The following ATP6V1D variants were observed in gnomAD, a reference collection of about 807,000 sequenced individuals.
ATP6V1D encodes ATPase H+ transporting V1 subunit D.
In ATP6V1D, 20 loss-of-function variants were observed where a neutral mutation model predicts 39.4. That is an observed-to-expected ratio of 0.51 (90% CI 0.36 to 0.74). The LOEUF is 0.74. ATP6V1D is among the 30% of genes least tolerant of loss of function. The pLI, the probability that ATP6V1D is intolerant of heterozygous loss-of-function variation, is 0.00. For synonymous variants in ATP6V1D, 100 were observed against 100.5 expected, an observed-to-expected ratio of 0.99 and a Z score of 0.03; for missense variants, 228 against 291.6, an observed-to-expected ratio of 0.78 and a Z score of 1.59.
chr14:67,351,127 G>A (rs2085651560), intron 2 of ATP6V1D, among the ~76,000 whole-genome samples: 1 of 152,186 alleles, frequency 6.6e-6, no homozygotes, highest in Admixed American at 6.5e-5. Flanking sequence ...GCTGGGTAGG[G>A]AGTTGCCTTC....
At chr14:67,347,970 G>A (rs2085631853) in intron 4 of ATP6V1D, among the ~76,000 whole-genome samples, 1 of 151,050 alleles carries the variant, frequency 6.6e-6, no homozygotes, top group East Asian at 1.9e-4. Context: ...GCAGTGCAGT[G>A]GTGTGGTCTT....
intron 1 of ATP6V1D, among the ~76,000 whole-genome samples, chr14:67,354,125 G>A (rs1231024540): frequency 6.6e-6 from 1 of 152,070 alleles, no homozygotes; most frequent in Non-Finnish European, 1.5e-5. Flanking sequence ...CTCAAGTATT[G>A]TTATAGCAGC....
At chr14:67,358,108 G>A (rs1396216226) in intron 1 of ATP6V1D, among the ~76,000 whole-genome samples, 2 of 152,098 alleles carry the variant, frequency 1.3e-5, no homozygotes, top group African/African-American at 4.8e-5. Context: ...GGGGGCGGCG[G>A]GGGGCGGCCT....
intron 4 of ATP6V1D, 170 bp downstream of exon 4, chr14:67,348,867 C>A (rs2085639568): frequency 6.0e-6 from 4 of 671,218 alleles, no homozygotes; most frequent in Non-Finnish European, 5.0e-6. Context: ...GTCAAGTTAT[C>A]CTGAGTAATT....
chr14:67,353,227 T>C (rs773108901), intron 1 of ATP6V1D, among the ~76,000 whole-genome samples, 187 bp from the exon 2 acceptor site: 1 of 152,250 alleles, frequency 6.6e-6, no homozygotes. Flanking sequence ...CTTCATGTGT[T>C]GGAAACAATC....
At chr14:67,356,428 C>CA (rs1354353495) in intron 1 of ATP6V1D, among the ~76,000 whole-genome samples, 1 of 113,470 alleles carries the variant, frequency 8.8e-6, no homozygotes, top group Non-Finnish European at 1.6e-5. Context: ...CTCAAAAAAA[C>CA]AAAAACAAAA....
intron 1 of ATP6V1D, among the ~76,000 whole-genome samples, chr14:67,358,352 A>G (rs140579597): frequency 6.6e-6 from 1 of 152,320 alleles, no homozygotes; most frequent in African/African-American, 2.4e-5. Context: ...TTTCATTAAG[A>G]GCTATTTAGT....
At position 67,340,048 on chromosome 14, in the gene ATP6V1D, A is replaced by G. The variant is rs553269173; in HGVS notation, c.602+392T>C. The G allele has an allele frequency of 2.2e-3, 351 of 157,610 alleles. 1 individual carries two copies. The highest frequency in any genetic ancestry group is 3.3e-3 in the Middle Eastern group (1 of 300). The allele number at this position is 157,610 out of a possible 1,614,324, so 9.8% of individuals were successfully genotyped here. A position where few individuals can be genotyped will look rare whatever the true frequency, so the allele number is the denominator to read the frequency against. ...TCTGTCTCACAAAAAAAAAAAAAAA[A>G]AAAAGAATAATTCAGTCTTGGCTTG... On this transcript the variant is annotated intron_variant, in intron 8 of 8. Transcript: ENST00000216442.
intron 3 of ATP6V1D, among the ~76,000 whole-genome samples, chr14:67,349,758 A>C (rs779424214): frequency 3.9e-5 from 6 of 152,106 alleles, no homozygotes; most frequent in Non-Finnish European, 8.8e-5. Context: ...ACCCTAAAAC[A>C]CTCACATACC....
chr14:67,352,863 G>T (rs959536583), intron 2 of ATP6V1D, 60 bp downstream of exon 2: 5 of 1,081,654 alleles, frequency 4.6e-6, no homozygotes, highest in Non-Finnish European at 6.7e-6. Context: ...AAAAAAAAAT[G>T]CCAAGGGCCA....
At chr14:67,349,155 T>C (rs1447822741) in intron 3 of ATP6V1D, 51 bp from the exon 4 acceptor site, 3 of 1,537,164 alleles carry the variant, frequency 2.0e-6, no homozygotes, top group Non-Finnish European at 2.7e-6. Flanking sequence ...GAAATAAACC[T>C]ACAGGGACCC....
intron 1 of ATP6V1D, among the ~76,000 whole-genome samples, chr14:67,353,303 C>T (rs914131894): frequency 6.6e-6 from 1 of 152,128 alleles, no homozygotes; most frequent in Non-Finnish European, 1.5e-5. Context: ...GATCTGCCCT[C>T]CATGAATGGA....
At chr14:67,340,132 T>C (rs2085569026) in intron 8 of ATP6V1D, 2 of 268,466 alleles carry the variant, frequency 7.4e-6, no homozygotes, top group Admixed American at 8.9e-5. Context: ...AACTCCTTGT[T>C]CTACTCTTTC....
intron 4 of ATP6V1D, among the ~76,000 whole-genome samples, chr14:67,347,660 C>A (rs1331478236): frequency 6.6e-6 from 1 of 151,962 alleles, no homozygotes; most frequent in Non-Finnish European, 1.5e-5. Context: ...ACCACCACAC[C>A]CGGCTAATTT....
chr14:67,338,528 C>CA lies in ATP6V1D; in HGVS notation c.*92dup. The CA allele has an allele frequency of 7.4e-7, 1 of 1,350,436 alleles. No homozygotes were observed. The highest frequency in any genetic ancestry group is 9.8e-7 in the Non-Finnish European group (1 of 1,017,828). 83.7% of individuals were successfully genotyped at this position (1,350,436 alleles called of 1,614,324 possible). A position where few individuals can be genotyped will look rare whatever the true frequency, so the allele number is the denominator to read the frequency against. On this transcript the variant is annotated 3_prime_UTR_variant, in exon 9 of 9. Transcript: ENST00000216442. ...TTTACAACCAGTGAAATTCTTAGGCCAAAAAATAAATAGCCACACAAATCA... is the reference window on the plus strand; with the variant it reads ...TTTACAACCAGTGAAATTCTTAGGCCAAAAAAATAAATAGCCACACAAATCA...
chr14:67,340,276 T>C, intron 8 of ATP6V1D, 164 bp downstream of exon 8: 2 of 607,624 alleles, frequency 3.3e-6, no homozygotes, highest in South Asian at 2.7e-5. Flanking sequence ...TTGACAGATT[T>C]GTTTCCACAA....
chr14:67,350,008 A>C (rs2085645459), intron 3 of ATP6V1D, among the ~76,000 whole-genome samples: 1 of 152,236 alleles, frequency 6.6e-6, no homozygotes, highest in Non-Finnish European at 1.5e-5. Flanking sequence ...AAGGCATTTA[A>C]TTAAAACTGA....
At position 67,359,715 on chromosome 14, in the gene ATP6V1D, C is replaced by A. The variant is rs2085716060; in HGVS notation, c.-17G>T. ...GCCCGACATTCTGACGATAACTTTT[C>A]GGCTCGGGTCCCCGGCCGGGCAACC... On this transcript the variant is annotated 5_prime_UTR_variant, in exon 1 of 9. Transcript: ENST00000216442. The A allele has an allele frequency of 1.2e-6, 2 of 1,613,972 alleles. 1 individual carries two copies.
chr14:67,346,196 G>A (rs1184928186), intron 5 of ATP6V1D, among the ~76,000 whole-genome samples: 2 of 152,172 alleles, frequency 1.3e-5, no homozygotes, highest in African/African-American at 2.4e-5. Context: ...TCTGTGAACA[G>A]GTGACTCTCT....
Sources: allele counts gnomAD v4.1 joint callset (sites outside exome capture counted in the v4.1 genomes callset), GRCh38; gene constraint gnomAD v4.1.1; transcripts MANE v1.5; gene names NCBI Gene and HGNC (gene_info 2026-07-23, HGNC 2026-07-21).